KCNG3: variants seen among roughly 807,000 people sequenced by gnomAD.
KCNG3 encodes the protein potassium voltage-gated channel modifier subfamily G member 3, also known as voltage-gated potassium channel regulatory subunit KCNG3.
In KCNG3, 15 loss-of-function variants were observed where a neutral mutation model predicts 29.0. That is an observed-to-expected ratio of 0.52 (90% CI 0.35 to 0.80). The LOEUF (loss-of-function observed/expected upper bound fraction) is 0.80, where lower values mean the gene tolerates loss of function less well. Ranked by LOEUF, KCNG3 falls within the 30% of genes least tolerant of loss-of-function variation. KCNG3 has a pLI of 0.01. For missense variants in KCNG3, 512 were observed against 605.7 expected (o/e 0.85, Z 1.62); for synonymous variants, 322 against 248.9 (o/e 1.29, Z -2.76).
intron 1 of KCNG3, among the ~76,000 whole-genome samples, chr2:42,471,180 GTGTGTATA>G (rs1006756634): frequency 5.3e-5 from 8 of 151,056 alleles, no homozygotes; most frequent in Non-Finnish European, 8.8e-5. Flanking sequence ...GTGTGTGTGT[GTGTGTATA>G]TATATATATA....
downstream of KCNG3, among the ~76,000 whole-genome samples, chr2:42,439,016 T>C (rs921224742): frequency 6.6e-6 from 1 of 152,148 alleles, no homozygotes; most frequent in Non-Finnish European, 1.5e-5. Flanking sequence ...CCATGTTACT[T>C]GACATTTCTC....
intron 1 of KCNG3, among the ~76,000 whole-genome samples, chr2:42,448,218 A>G (rs888313428): frequency 2.0e-5 from 3 of 152,206 alleles, no homozygotes; most frequent in African/African-American, 7.2e-5. Flanking sequence ...TCAGAGTATC[A>G]GGCCAGGACT....
chr2:42,434,458 C>CAAAAAAA, the KCNG3 span, among the ~76,000 whole-genome samples: 3 of 31,242 alleles, frequency 9.6e-5, no homozygotes, highest in African/African-American at 1.5e-4. Flanking sequence ...GACACTGTCT[C>CAAAAAAA]AAAAAAAAAA....
chr2:42,406,509 C>T, the KCNG3 span, among the ~76,000 whole-genome samples: 9 of 150,936 alleles, frequency 6.0e-5, no homozygotes, highest in South Asian at 1.1e-3. Flanking sequence ...ATAAAGCCAC[C>T]GCACCAGGCC....
At chr2:42,490,248 G>T (rs1558391584) in intron 1 of KCNG3, among the ~76,000 whole-genome samples, 1 of 151,994 alleles carries the variant, frequency 6.6e-6, no homozygotes, top group Non-Finnish European at 1.5e-5. Flanking sequence ...GGCACATATG[G>T]TTGTACAGGT....
chr2:42,493,217 G>T lies in KCNG3; in HGVS notation c.285C>A (p.Tyr95Ter). 2 of 1,611,456 alleles carry T rather than the reference G, an allele frequency of 1.2e-6. No individual in the cohort carries two copies. The highest frequency in any genetic ancestry group is 1.7e-6 in the Non-Finnish European group (2 of 1,179,900). ...CCAGGCCCCAGTAGATCATCTCGTT[G>T]TAGAAGGAGAGCTCGCACATCCGCG... ...FAPRMCELSF[Y>*]NEMIYWGLEG... The change falls in exon 1 of 2, where the codon TAC (tyrosine) becomes TAA (stop). Residue 95 changes from tyrosine (Y) to a stop codon, truncating the protein, a stop_gained. Coordinates refer to ENST00000306078, the MANE Select transcript of KCNG3 (RefSeq NM_133329.6). LOFTEE classifies it high-confidence loss of function.
At chr2:42,466,768 T>G (rs1673151652) in intron 1 of KCNG3, among the ~76,000 whole-genome samples, 1 of 151,524 alleles carries the variant, frequency 6.6e-6, no homozygotes. Flanking sequence ...TTTTTTTTTT[T>G]TTGAGATGGA....
intron 1 of KCNG3, among the ~76,000 whole-genome samples, chr2:42,481,657 C>A (rs982952290): frequency 2.0e-5 from 3 of 152,174 alleles, no homozygotes; most frequent in African/African-American, 4.8e-5. Context: ...CTGGGCTACA[C>A]GTCCCCTGCC....
chr2:42,406,826 C>CA, the KCNG3 span, among the ~76,000 whole-genome samples: 231 of 113,636 alleles, frequency 2.0e-3, no homozygotes, highest in African/African-American at 6.6e-3. Flanking sequence ...GACTCCTTCT[C>CA]AAAAAAAAAA....
chr2:42,403,616 T>C, the KCNG3 span, among the ~76,000 whole-genome samples: 2 of 135,894 alleles, frequency 1.5e-5, no homozygotes, highest in Non-Finnish European at 3.1e-5. Context: ...ACGTGACTTT[T>C]TTTTCTTTTT....
the KCNG3 span, among the ~76,000 whole-genome samples, chr2:42,433,476 T>C: frequency 6.6e-5 from 10 of 152,166 alleles, no homozygotes; most frequent in African/African-American, 2.4e-4. Flanking sequence ...TGGTGGCTCA[T>C]GCCTGTAATT....
chr2:42,486,908 C>T (rs1400351934), intron 1 of KCNG3, among the ~76,000 whole-genome samples: 3 of 152,046 alleles, frequency 2.0e-5, no homozygotes, highest in African/African-American at 4.8e-5. Context: ...CCCGTAATCC[C>T]AGCACTTTGG....
the KCNG3 span, among the ~76,000 whole-genome samples, chr2:42,389,193 T>G: frequency 6.6e-6 from 1 of 152,194 alleles, no homozygotes; most frequent in Non-Finnish European, 1.5e-5. Flanking sequence ...GCTAGGATTA[T>G]AGTCATGAGC....
the KCNG3 span, among the ~76,000 whole-genome samples, chr2:42,412,603 T>A: frequency 6.6e-6 from 1 of 152,222 alleles, no homozygotes; most frequent in African/African-American, 2.4e-5. Context: ...TGATTCTTAT[T>A]TCTTGGTAGA....
the KCNG3 span, among the ~76,000 whole-genome samples, chr2:42,407,753 C>G: frequency 6.6e-6 from 1 of 152,190 alleles, no homozygotes; most frequent in Non-Finnish European, 1.5e-5. Context: ...ACCCGGGCCT[C>G]CCTGTGCTCT....
Position 42,493,342 on chromosome 2 carries a change from A to G in KCNG3, c.160T>C (p.Tyr54His), listed in dbSNP as rs1208516688. 6.3e-7 allele frequency: 1 copy of G among 1,599,652 alleles called. No individual in the cohort carries two copies. Among genetic ancestry groups the G allele is most frequent in the Non-Finnish European group, 8.5e-7 (1 of 1,173,294 alleles). Residue 54 changes from tyrosine (Y) to histidine (H), a missense_variant, in exon 1 of 2, where the codon TAC (tyrosine) becomes CAC (histidine). Coordinates refer to ENST00000306078, the MANE Select transcript of KCNG3 (RefSeq NM_133329.6). ...ERDVLEVCDDYDRERNEYFFD... is the reference protein window; with the variant it reads ...ERDVLEVCDDHDRERNEYFFD... ...AAGTACTCGTTGCGCTCGCGGTCGT[A>G]GTCGTCGCACACCTCGAGCACGTCG...
chr2:42,431,086 G>A, the KCNG3 span, among the ~76,000 whole-genome samples: 1 of 141,354 alleles, frequency 7.1e-6, no homozygotes, highest in Non-Finnish European at 1.5e-5. Context: ...AGCCTGGGCA[G>A]ACAAAGCGAG....
chr2:42,475,543 TG>T (rs1411985449), intron 1 of KCNG3, among the ~76,000 whole-genome samples: 1 of 151,540 alleles, frequency 6.6e-6, no homozygotes, highest in Non-Finnish European at 1.5e-5. Flanking sequence ...TTGGCCAAGC[TG>T]GTCTCGAACT....
Position 42,443,305 on chromosome 2 carries a change from C to A in KCNG3, c.*629G>T, listed in dbSNP as rs1005889698. 6.6e-6 allele frequency: 1 copy of A among 152,574 alleles called. No homozygotes were observed. Among genetic ancestry groups the A allele is most frequent in the Non-Finnish European group, 1.5e-5 (1 of 68,030 alleles). 9.5% of individuals were successfully genotyped at this position (152,574 alleles called of 1,614,324 possible). On this transcript the variant is annotated 3_prime_UTR_variant, in exon 2 of 2. Transcript: ENST00000306078. ...ATGGAAAAGGGAGAACATACTCAAG[C>A]TTCCATGAAGCGGCACGATAAGGTG... is the stretch of plus-strand genomic sequence containing the variant.
Sources: gnomAD v4.1 joint callset for allele counts (sites outside exome capture counted in the v4.1 genomes callset) on GRCh38, gnomAD v4.1.1 for gene constraint, MANE v1.5 for transcripts, NCBI Gene and HGNC (gene_info 2026-07-23, HGNC 2026-07-21) for gene names.